CD6: variants seen among roughly 807,000 people sequenced by gnomAD.
CD6 encodes the protein CD6 molecule.
CD6 carries 53 observed loss-of-function variants against 75.3 expected under a neutral mutation model. The observed-to-expected ratio is 0.70, with a 90% CI of 0.56 to 0.88. The LOEUF is 0.88. CD6 is among the 40% of genes least tolerant of loss of function. The pLI, the probability that CD6 is intolerant of heterozygous loss-of-function variation, is 0.00. For synonymous variants in CD6, 359 were observed against 381.5 expected, an observed-to-expected ratio of 0.94 and a Z score of 0.69; for missense variants, 770 against 897.1, an observed-to-expected ratio of 0.86 and a Z score of 1.81.
At chr11:60,994,851 C>A (rs931148222) in intron 1 of CD6, among the ~76,000 whole-genome samples, 10 of 152,206 alleles carry the variant, frequency 6.6e-5, no homozygotes, top group African/African-American at 2.4e-4. Flanking sequence ...AAACTGCTGA[C>A]TTTCCTCTGG....
At chr11:61,016,619 C>T (rs1859416918) in intron 9 of CD6, among the ~76,000 whole-genome samples, 1 of 152,226 alleles carries the variant, frequency 6.6e-6, no homozygotes, top group African/African-American at 2.4e-5. Context: ...GTCCACATTC[C>T]AGGCAAGGGC....
intron 1 of CD6, among the ~76,000 whole-genome samples, chr11:61,001,379 T>G (rs1858581313): frequency 6.6e-6 from 1 of 151,990 alleles, no homozygotes; most frequent in Non-Finnish European, 1.5e-5. Flanking sequence ...ACTTTTGTAT[T>G]TTTAGTAGAG....
At chr11:60,999,633 TA>T in intron 1 of CD6, among the ~76,000 whole-genome samples, 1 of 152,164 alleles carries the variant, frequency 6.6e-6, no homozygotes, top group East Asian at 1.9e-4. Flanking sequence ...TTTTGGCAAA[TA>T]TTTTTAATGT....
intron 1 of CD6, among the ~76,000 whole-genome samples, chr11:60,976,519 T>C (rs1343715766): frequency 6.6e-6 from 1 of 152,188 alleles, no homozygotes; most frequent in South Asian, 2.1e-4. Context: ...TATGAGTGTT[T>C]GTTTATTTAA....
intron 6 of CD6, among the ~76,000 whole-genome samples, chr11:61,011,460 G>T (rs2135184615): frequency 6.6e-6 from 1 of 152,306 alleles, no homozygotes; most frequent in African/African-American, 2.4e-5. Flanking sequence ...CAGGGGTCAG[G>T]GTCGGGGCAG....
chr11:61,009,918 T>G, intron 5 of CD6, 44 bp downstream of exon 5: 1 of 1,507,702 alleles, frequency 6.6e-7, no homozygotes, highest in Non-Finnish European at 8.9e-7. Context: ...GCCAGAATTC[T>G]ACCTGAATCC....
chr11:60,978,080 A>T (rs1857426805), intron 1 of CD6, among the ~76,000 whole-genome samples: 1 of 152,234 alleles, frequency 6.6e-6, no homozygotes, highest in Non-Finnish European at 1.5e-5. Context: ...GCTGAAAGGG[A>T]AATAAAGAGT....
chr11:61,015,853 C>T lies in CD6; in HGVS notation c.1510+18C>T. 2 of 1,613,368 alleles carry T rather than the reference C, an allele frequency of 1.2e-6. No homozygotes were observed. The highest frequency in any genetic ancestry group is 1.7e-6 in the Non-Finnish European group (2 of 1,179,696). On this transcript the variant is annotated intron_variant, in intron 9 of 12. Coordinates refer to ENST00000313421, the MANE Select transcript of CD6 (RefSeq NM_006725.5). Reference sequence around the variant, plus strand: ...CTTCTACAGTGAGTGCCTGGCCGGGCTCCCGAGGGCCCACCTACCTGAATC... The same window carrying T: ...CTTCTACAGTGAGTGCCTGGCCGGGTTCCCGAGGGCCCACCTACCTGAATC...
At chr11:60,984,814 G>T (rs1370625386) in intron 1 of CD6, among the ~76,000 whole-genome samples, 2 of 152,204 alleles carry the variant, frequency 1.3e-5, no homozygotes, top group Admixed American at 1.3e-4. Flanking sequence ...TCAGGGGGAG[G>T]AGCAGGGGCG....
At chr11:61,006,022 G>A (rs1400435828) in intron 1 of CD6, among the ~76,000 whole-genome samples, 6 of 152,204 alleles carry the variant, frequency 3.9e-5, no homozygotes, top group Non-Finnish European at 8.8e-5. Flanking sequence ...TAGTTTCTTA[G>A]TGTCTGAAGG....
At position 60,971,810 on chromosome 11, in the gene CD6, C is replaced by A; in HGVS notation, c.-56C>A. 6.3e-7 allele frequency: 1 copy of A among 1,592,196 alleles called. No homozygotes were observed. The highest frequency in any genetic ancestry group is 2.3e-5 in the East Asian group (1 of 44,100). ...CAACGGCCGTGTCCACCTCCCGGCC[C>A]CAAGATGGTGCTTCCCACAGGCAGC... is the stretch of plus-strand genomic sequence containing the variant. On this transcript the variant is annotated 5_prime_UTR_variant, in exon 1 of 13. Transcript: ENST00000313421.
chr11:60,979,718 C>T (rs1053426786), intron 1 of CD6, among the ~76,000 whole-genome samples: 1 of 152,062 alleles, frequency 6.6e-6, no homozygotes, highest in African/African-American at 2.4e-5. Context: ...TCCACCCGCC[C>T]GCCTCAGCCT....
At chr11:61,013,640 G>A (rs746341052) in intron 7 of CD6, 77 bp downstream of exon 7, 56 of 1,522,566 alleles carry the variant, frequency 3.7e-5, no homozygotes, top group Non-Finnish European at 4.3e-5. Flanking sequence ...GCAGTGGCGT[G>A]GTCCAGCAAT....
At chr11:61,009,463 T>A in intron 4 of CD6, 109 bp from the exon 5 acceptor site, 1 of 996,532 alleles carries the variant, frequency 1.0e-6, no homozygotes, top group Non-Finnish European at 1.4e-6. Flanking sequence ...AGACACAAGA[T>A]CTGGAGACCA....
At chr11:61,014,978 G>C (rs1045591541) in intron 8 of CD6, among the ~76,000 whole-genome samples, 10 of 152,174 alleles carry the variant, frequency 6.6e-5, no homozygotes, top group Non-Finnish European at 1.2e-4. Context: ...ATAAGGCTTA[G>C]CATAAGGCAG....
rs1261632010 is a variant in CD6 at position 61,013,930 on chromosome 11, ATGG to A, written c.1306_1308del (p.Val436del). The A allele has an allele frequency of 1.9e-6, 3 of 1,611,770 alleles. No individual in the cohort carries two copies. The African/African-American group carries it at 4.0e-5, about 22-fold the overall frequency. ...CTCCCCTCCCTCAGCCCTCCCCGTA[ATGG>A]TGAACCACCAGCACCTACCCACCAC... is the stretch of plus-strand genomic sequence containing the variant. On this transcript the variant is annotated inframe_deletion, in exon 8 of 13. Transcript: ENST00000313421.
At chr11:61,017,605 C>T in intron 10 of CD6, 55 bp downstream of exon 10, 1 of 1,563,626 alleles carries the variant, frequency 6.4e-7, no homozygotes, top group Non-Finnish European at 8.8e-7. Flanking sequence ...GAGAGTAGCT[C>T]AGCTCAGCTT....
chr11:61,018,664 A>C (rs921543756), intron 12 of CD6: 11 of 448,802 alleles, frequency 2.5e-5, no homozygotes, highest in Non-Finnish European at 4.3e-5. Flanking sequence ...AAAACTAAAA[A>C]CTAAATATTA....
chr11:61,009,729 G>A lies in CD6; in HGVS notation c.939G>A (p.Glu313=), dbSNP rs371204521. ...CCTTGGGCTGTGGAACTGCGGTTGA[G>A]AGGCCCAAGGGGCTGCCCCACTCCT... ...CQSLGCGTAV[E]RPKGLPHSLS... Residue 313 remains glutamate, a synonymous_variant, in exon 5 of 13, where the codon GAG becomes GAA. Transcript: ENST00000313421. The A allele has an allele frequency of 6.2e-7, 1 of 1,614,118 alleles. No homozygotes were observed. Among genetic ancestry groups the A allele is most frequent in the Non-Finnish European group, 8.5e-7 (1 of 1,180,024 alleles).
Sources: allele counts gnomAD v4.1 joint callset (sites outside exome capture counted in the v4.1 genomes callset), GRCh38; gene constraint gnomAD v4.1.1; transcripts MANE v1.5; gene names NCBI Gene and HGNC (gene_info 2026-07-23, HGNC 2026-07-21).